The following GPRASP2 variants were observed in gnomAD, a reference collection of about 807,000 sequenced individuals.
GPRASP2 encodes the protein G protein-coupled receptor associated sorting protein 2, also known as G protein-coupled receptor-associated sorting protein 2.
A neutral mutation model predicts 36.0 loss-of-function variants in GPRASP2; 10 were observed. The ratio of observed to expected loss-of-function variants is 0.28; its 90% CI spans 0.17 to 0.47. The LOEUF is 0.47. Ranked by LOEUF, GPRASP2 falls within the 20% of genes least tolerant of loss-of-function variation. The pLI is 0.99. For synonymous variants in GPRASP2, 219 were observed against 230.5 expected (o/e 0.95, Z 0.45); for missense variants, 538 against 626.7 (o/e 0.86, Z 1.51).
Position 102,714,661 on chromosome X carries a change from C to A in GPRASP2, c.-209C>A, listed in dbSNP as rs2081932651. On this transcript the variant is annotated 5_prime_UTR_variant, in exon 5 of 5. The change creates a new upstream start codon in the 5' untranslated region. Coordinates refer to ENST00000483720, the MANE Select transcript of GPRASP2 (RefSeq NM_001004051.4). ...TTGGTTGTACCTGTTCTCACTCTAT[C>A]TGTATTATTGAATTATTGACTGAGA... is the stretch of plus-strand genomic sequence containing the variant. The A allele has an allele frequency of 1.8e-6, 1 of 567,903 alleles. No homozygotes were observed. Among genetic ancestry groups the A allele is most frequent in the Non-Finnish European group, 2.7e-6 (1 of 374,923 alleles). The allele number at this position is 567,903 out of a possible 1,213,427, so 46.8% of individuals were successfully genotyped here.
Position 102,715,366 on chromosome X carries a change from C to A in GPRASP2, c.497C>A (p.Ser166Tyr). The change falls in exon 5 of 5, where the codon TCT becomes TAT. Residue 166 changes from serine to tyrosine, a missense_variant. By Grantham distance (144) the Ser-to-Tyr change is moderately radical. Transcript: ENST00000483720. ...GCTGAGTCTGGATCAGTTACTAAATCTAAGGGCCTGTCTATGGATAGAGAA... is the reference window on the plus strand; with the variant it reads ...GCTGAGTCTGGATCAGTTACTAAATATAAGGGCCTGTCTATGGATAGAGAA... ...ATAESGSVTK[S>Y]KGLSMDRELV... The A allele has an allele frequency of 8.2e-7, 1 of 1,212,368 alleles. No individual in the cohort carries two copies. The highest frequency in any genetic ancestry group is 1.7e-5 in the African/African-American group (1 of 57,960).
At chrX:102,714,355 T>C (rs1045719753) in intron 4 of GPRASP2, 89 bp downstream of exon 4, 1 of 118,078 alleles carries the variant, frequency 8.5e-6, no homozygotes, top group Non-Finnish European at 1.8e-5. Context: ...GGGGGCTTCT[T>C]GGCCCCTCCC....
At position 102,714,606 on chromosome X, in the gene GPRASP2, C is replaced by T; in HGVS notation, c.-264C>T. The T allele has an allele frequency of 2.4e-6, 1 of 418,554 alleles. No homozygotes were observed. The highest frequency in any genetic ancestry group is 2.5e-5 in the African/African-American group (1 of 40,740). 34.5% of individuals were successfully genotyped at this position (418,554 alleles called of 1,213,427 possible). ...ACAACCACCCTCAACGGGTCTGCAC[C>T]CATCCAGGAAATATCTGTCTTCCTT... is the stretch of plus-strand genomic sequence containing the variant. On this transcript the variant is annotated 5_prime_UTR_variant, in exon 5 of 5. Transcript: ENST00000483720.
Position 102,716,608 on chromosome X carries a change from A to C in GPRASP2, c.1739A>C (p.Glu580Ala). Residue 580 changes from glutamate to alanine, a missense_variant, in exon 5 of 5, where the codon GAG becomes GCG. Glu to Ala is a moderately radical substitution (Grantham distance 107). Coordinates refer to ENST00000483720, the MANE Select transcript of GPRASP2 (RefSeq NM_001004051.4). ...AGGGCCAGGGAGAGTGCAGAGTCTG[A>C]GAGTTGGTCCTGCAGCTGCATACAA... ...HLRARESAESESWSCSCIQCE... is the reference protein window; with the variant it reads ...HLRARESAESASWSCSCIQCE... 1 of 1,212,040 alleles carries C rather than the reference A, an allele frequency of 8.3e-7. No individual in the cohort carries two copies. The highest frequency in any genetic ancestry group is 1.1e-6 in the Non-Finnish European group (1 of 895,566).
rs1444705107 is a variant in GPRASP2, at chrX:102,715,909, A to G, written c.1040A>G (p.Asn347Ser). The part of the protein sequence containing the change: ...QSWVLPGEEA[N>S]SRFRHRDKED... ...TGGGTTTTGCCTGGAGAAGAGGCCA[A>G]TAGTAGATTCAGGCACAGAGACAAA... The change falls in exon 5 of 5, where the codon AAT becomes AGT. Residue 347 changes from asparagine to serine, a missense_variant. Asn to Ser is a conservative substitution (Grantham distance 46). Transcript: ENST00000483720. 11 of 1,210,238 alleles carry G rather than the reference A, an allele frequency of 9.1e-6. No homozygotes were observed. The highest frequency in any genetic ancestry group is 1.1e-5 in the Non-Finnish European group (10 of 895,328).
chrX:102,712,982 C>G (rs2081898350), intron 1 of GPRASP2, 148 bp from the exon 2 acceptor site: 1 of 112,238 alleles, frequency 8.9e-6, no homozygotes, highest in Non-Finnish European at 1.9e-5. Context: ...GTCGGCGTCC[C>G]GGCTCTGTAC....
Position 102,715,348 on chromosome X carries a change from C to G in GPRASP2, c.479C>G (p.Ser160Cys). 8.2e-7 allele frequency: 1 copy of G among 1,212,410 alleles called. No individual in the cohort carries two copies. Among genetic ancestry groups the G allele is most frequent in the Non-Finnish European group, 1.1e-6 (1 of 895,651 alleles). The change falls in exon 5 of 5, where the codon TCT becomes TGT. Residue 160 changes from serine (S) to cysteine (C), a missense_variant. By Grantham distance (112) the Ser-to-Cys change is moderately radical. Around this residue, in one of 2 missense-constraint regions of GPRASP2, gnomAD observed 276 missense variants for 275.0 expected, o/e 1.00. Transcript: ENST00000483720. ...GCTTGGCCACTGGCCACTGCTGAGT[C>G]TGGATCAGTTACTAAATCTAAGGGC... ...AVAWPLATAE[S>C]GSVTKSKGLS...
At position 102,714,578 on chromosome X, in the gene GPRASP2, C is replaced by T. The variant is rs1452267980; in HGVS notation, c.-292C>T. The T allele has an allele frequency of 6.5e-6, 2 of 307,390 alleles. No individual in the cohort carries two copies. The highest frequency in any genetic ancestry group is 1.1e-5 in the Non-Finnish European group (2 of 180,085). The allele number at this position is 307,390 out of a possible 1,213,427, so 25.3% of individuals were successfully genotyped here. A position where few individuals can be genotyped will look rare whatever the true frequency, so the allele number is the denominator to read the frequency against. ...TGCTCTGCTGGTGGTGGAGTTGCTGCTGACAACCACCCTCAACGGGTCTGC... is the reference window on the plus strand; with the variant it reads ...TGCTCTGCTGGTGGTGGAGTTGCTGTTGACAACCACCCTCAACGGGTCTGC... On this transcript the variant is annotated 5_prime_UTR_variant, in exon 5 of 5. Transcript: ENST00000483720.
At position 102,716,839 on chromosome X, in the gene GPRASP2, G is replaced by C. The variant is rs369955160; in HGVS notation, c.1970G>C (p.Ser657Thr). The change falls in exon 5 of 5, where the codon AGT (serine) becomes ACT (threonine). Residue 657 changes from serine (S) to threonine (T), a missense_variant. By Grantham distance (58) the Ser-to-Thr change is moderately conservative (BLOSUM62 1). Coordinates refer to ENST00000483720, the MANE Select transcript of GPRASP2 (RefSeq NM_001004051.4). ...LNYPSSRVRT[S>T]FLENMIHMAP... is the part of the protein sequence containing the mutation. ...TATCCATCCTCTAGAGTTAGGACAA[G>C]TTTTTTGGAAAATATGATTCACATG... 6 of 1,210,611 alleles carry C rather than the reference G, an allele frequency of 5.0e-6. No individual in the cohort carries two copies. Among genetic ancestry groups the C allele is most frequent in the Non-Finnish European group, 6.7e-6 (6 of 895,423 alleles).
chrX:102,714,974 G>A lies in GPRASP2; in HGVS notation c.105G>A (p.Val35=), dbSNP rs2081938896. ...AGAGAGAGAATGATGTCCCTCTGGT[G>A]GTCAGACCCAAGGTTAGGACCCAGG... ...GPERENDVPL[V]VRPKVRTQAT... Residue 35 remains valine, a synonymous_variant, in exon 5 of 5, where the codon GTG becomes GTA. Coordinates refer to ENST00000483720, the MANE Select transcript of GPRASP2 (RefSeq NM_001004051.4). 1 of 1,212,557 alleles carries A rather than the reference G, an allele frequency of 8.2e-7. No individual in the cohort carries two copies. The highest frequency in any genetic ancestry group is 1.1e-6 in the Non-Finnish European group (1 of 895,708).
Position 102,717,319 on chromosome X carries a change from A to T in GPRASP2, c.2450A>T (p.Glu817Val). ...ATTTCTGCATTTCGTGAATTTGAGG[A>T]GTTAGCTAAGCAACTACAAGCCCAA... is the stretch of plus-strand genomic sequence containing the variant. ...PLISAFREFE[E>V]LAKQLQAQID... The change falls in exon 5 of 5, where the codon GAG (glutamate) becomes GTG (valine). Residue 817 changes from glutamate (E) to valine (V), a missense_variant. Physicochemically the swap from Glu to Val is moderately radical, Grantham distance 121. Transcript: ENST00000483720. 9.1e-7 allele frequency: 1 copy of T among 1,100,247 alleles called. No individual in the cohort carries two copies. The highest frequency in any genetic ancestry group is 1.2e-6 in the Non-Finnish European group (1 of 840,628). The allele number at this position is 1,100,247 out of a possible 1,213,427, so 90.7% of individuals were successfully genotyped here. A position where few individuals can be genotyped will look rare whatever the true frequency, so the allele number is the denominator to read the frequency against.
rs773911121 is a variant in GPRASP2, at chrX:102,715,676, G to A, written c.807G>A (p.Arg269=). ...RAKHQTNPRS[R]PRSKQEAYVD... is the part of the protein sequence containing the mutation. ...AACATCAGACTAATCCCAGGTCCAGGCCCAGATCCAAGCAAGAAGCCTATG... is the reference window on the plus strand; with the variant it reads ...AACATCAGACTAATCCCAGGTCCAGACCCAGATCCAAGCAAGAAGCCTATG... The change falls in exon 5 of 5, where the codon AGG becomes AGA. Residue 269 remains arginine, a synonymous_variant. Transcript: ENST00000483720. 1 of 1,211,829 alleles carries A rather than the reference G, an allele frequency of 8.3e-7. No individual in the cohort carries two copies. Among genetic ancestry groups the A allele is most frequent in the Non-Finnish European group, 1.1e-6 (1 of 895,563 alleles).
Position 102,715,820 on chromosome X carries a change from G to A in GPRASP2, c.951G>A (p.Lys317=). Residue 317 remains lysine, a synonymous_variant, in exon 5 of 5, where the codon AAG becomes AAA. Coordinates refer to ENST00000483720, the MANE Select transcript of GPRASP2 (RefSeq NM_001004051.4). ...RVREEANIRS[K]LRTNREDCFE... ...GGGAGGAGGCAAATATCAGGTCCAA[G>A]CTCAGGACAAATAGAGAAGATTGTT... is the stretch of plus-strand genomic sequence containing the variant. The A allele has an allele frequency of 8.3e-7, 1 of 1,211,885 alleles. No homozygotes were observed. Among genetic ancestry groups the A allele is most frequent in the Non-Finnish European group, 1.1e-6 (1 of 895,588 alleles).
At position 102,714,762 on chromosome X, in the gene GPRASP2, T is replaced by G. The variant is rs781657508; in HGVS notation, c.-108T>G. On this transcript the variant is annotated 5_prime_UTR_variant, in exon 5 of 5. Coordinates refer to ENST00000483720, the MANE Select transcript of GPRASP2 (RefSeq NM_001004051.4). ...ACTCTTATTCCCAAGCTTATATCCTTAATCACCTAAAGATCAGAGTGTGAA... is the reference window on the plus strand; with the variant it reads ...ACTCTTATTCCCAAGCTTATATCCTGAATCACCTAAAGATCAGAGTGTGAA... 69 of 1,110,863 alleles carry G rather than the reference T, an allele frequency of 6.2e-5. No individual in the cohort carries two copies. The highest frequency in any genetic ancestry group is 7.6e-5 in the Non-Finnish European group (64 of 837,477). The allele number at this position is 1,110,863 out of a possible 1,213,427, so 91.5% of individuals were successfully genotyped here. A position where few individuals can be genotyped will look rare whatever the true frequency, so the allele number is the denominator to read the frequency against.
rs759518487 is a variant in GPRASP2, at chrX:102,716,127, G to C, written c.1258G>C (p.Gly420Arg). Residue 420 changes from glycine (G) to arginine (R), a missense_variant, in exon 5 of 5, where the codon GGA (glycine) becomes CGA (arginine). Physicochemically the swap from Gly to Arg is moderately radical, Grantham distance 125 (BLOSUM62 -2). Around this residue, in one of 2 missense-constraint regions of GPRASP2, gnomAD observed 262 missense variants for 351.7 expected, o/e 0.74. Coordinates refer to ENST00000483720, the MANE Select transcript of GPRASP2 (RefSeq NM_001004051.4). Reference sequence around the variant, plus strand: ...AGGAACTGAGGAGGGGGCCATTGGCGGATCCGCGTACTGGGCTGAGGAAAA... The same window carrying C: ...AGGAACTGAGGAGGGGGCCATTGGCCGATCCGCGTACTGGGCTGAGGAAAA... Reference protein sequence around the residue: ...EPGTEEGAIGGSAYWAEEKSS... With the variant: ...EPGTEEGAIGRSAYWAEEKSS... The C allele has an allele frequency of 8.4e-7, 1 of 1,195,263 alleles. No individual in the cohort carries two copies. Among genetic ancestry groups the C allele is most frequent in the Admixed American group, 2.3e-5 (1 of 43,991 alleles).
chrX:102,712,616 A>C (rs2081888084), intron 1 of GPRASP2, 64 bp downstream of exon 1: 1 of 112,307 alleles, frequency 8.9e-6, no homozygotes, highest in South Asian at 3.7e-4. Context: ...GTGGACCAGC[A>C]GGCAGCCTGC....
At position 102,714,867 on chromosome X, in the gene GPRASP2, A is replaced by G; in HGVS notation, c.-3A>G. ...TTACCTGACTTTCTTTGTAACTTGTACCATGACTGGGGCAGAGATTGAGCC... is the reference window on the plus strand; with the variant it reads ...TTACCTGACTTTCTTTGTAACTTGTGCCATGACTGGGGCAGAGATTGAGCC... On this transcript the variant is annotated 5_prime_UTR_variant, in exon 5 of 5. Transcript: ENST00000483720. The G allele has an allele frequency of 8.3e-7, 1 of 1,205,456 alleles. No individual in the cohort carries two copies. The highest frequency in any genetic ancestry group is 1.8e-5 in the South Asian group (1 of 55,703).
chrX:102,716,331 C>T lies in GPRASP2; in HGVS notation c.1462C>T (p.Pro488Ser). ...AAEELNASSRPQTWDEVTVEF... is the reference protein window; with the variant it reads ...AAEELNASSRSQTWDEVTVEF... ...TGAGGAGCTTAATGCATCCTCCAGG[C>T]CCCAAACCTGGGACGAGGTCACTGT... Residue 488 changes from proline to serine, a missense_variant, in exon 5 of 5, where the codon CCC (proline) becomes TCC (serine). By Grantham distance (74) the Pro-to-Ser change is moderately conservative. Around this residue, in one of 2 missense-constraint regions of GPRASP2, gnomAD observed 262 missense variants for 351.7 expected, o/e 0.74. Coordinates refer to ENST00000483720, the MANE Select transcript of GPRASP2 (RefSeq NM_001004051.4). 1 of 1,211,962 alleles carries T rather than the reference C, an allele frequency of 8.3e-7. No homozygotes were observed. The highest frequency in any genetic ancestry group is 1.1e-6 in the Non-Finnish European group (1 of 895,576).
Position 102,717,378 on chromosome X carries a change from CA to C in GPRASP2, c.2512del (p.Ser838ValfsTer20), listed in dbSNP as rs2081980288. The C allele has an allele frequency of 2.8e-6, 3 of 1,070,208 alleles. No homozygotes were observed. The highest frequency in any genetic ancestry group is 1.2e-6 in the Non-Finnish European group (1 of 823,963). 88.2% of individuals were successfully genotyped at this position (1,070,208 alleles called of 1,213,427 possible). On this transcript the variant is annotated frameshift_variant, in exon 5 of 5. Transcript: ENST00000483720. LOFTEE classifies it high-confidence loss of function. ...DNQNDPEVGQ[Q>X]S is the part of the protein sequence containing the mutation. ...CCAAAATGATCCTGAGGTGGGACAA[CA>C]AAGTTAATATGATTAACCACCTGCC...
Sources: gnomAD v4.1 joint callset for allele counts on GRCh38, gnomAD v4.1.1 for gene constraint, gnomAD v4.1.1 regional missense constraint, MANE v1.5 for transcripts, NCBI Gene and HGNC (gene_info 2026-07-23, HGNC 2026-07-21) for gene names.